Variants in TENM3 observed in about 807,000 individuals in gnomAD.
TENM3 encodes teneurin transmembrane protein 3, also known as teneurin-3.
In TENM3, 63 loss-of-function variants were observed where a neutral mutation model predicts 255.1. That is an observed-to-expected ratio of 0.25 (90% CI 0.20 to 0.30). TENM3 has a LOEUF of 0.30. Ranked by LOEUF, TENM3 falls within the 10% of genes least tolerant of loss-of-function variation. The pLI is 1.00. For synonymous variants in TENM3, 1,306 were observed against 1,322.3 expected (o/e 0.99, Z 0.27); for missense variants, 2,929 against 3,461.1 (o/e 0.85, Z 3.86).
intron 22 of TENM3, among the ~76,000 whole-genome samples, chr4:182,770,830 T>TA (rs1407126819): frequency 2.0e-5 from 3 of 152,218 alleles, no homozygotes; most frequent in African/African-American, 7.2e-5. Context: ...GGTGCCGGGT[T>TA]AGATAGGAGC....
intron 3 of TENM3, among the ~76,000 whole-genome samples, chr4:182,506,413 A>G (rs28613911): frequency 0.55 from 84,356 of 152,012 alleles, 23,971 homozygotes; most frequent in East Asian, 0.68. Context: ...TTAAATAACG[A>G]TTAAATAATA....
intron 1 of TENM3, among the ~76,000 whole-genome samples, chr4:182,193,920 A>G (rs974477306): frequency 6.6e-6 from 1 of 152,216 alleles, no homozygotes; most frequent in African/African-American, 2.4e-5. Context: ...AATGGTTTTC[A>G]GAGTTCAGTA....
intron 3 of TENM3, among the ~76,000 whole-genome samples, chr4:182,471,653 A>G (rs1733135885): frequency 6.9e-6 from 1 of 145,336 alleles, no homozygotes; most frequent in Non-Finnish European, 1.5e-5. Context: ...GTGTGTGTGT[A>G]AGTATATGTT....
chr4:182,062,375 T>A, the TENM3 span, among the ~76,000 whole-genome samples: 1 of 152,210 alleles, frequency 6.6e-6, no homozygotes, highest in African/African-American at 2.4e-5. Flanking sequence ...TAGTGAAATG[T>A]CCATATCTTC....
At chr4:182,622,690 A>G (rs986969086) in intron 4 of TENM3, among the ~76,000 whole-genome samples, 13 of 152,318 alleles carry the variant, frequency 8.5e-5, no homozygotes, top group Middle Eastern at 3.4e-3. Context: ...ATATGATTTC[A>G]TTCCTTTATT....
the TENM3 span, among the ~76,000 whole-genome samples, chr4:181,754,284 T>TCACACACACACACA: frequency 2.1e-5 from 3 of 144,516 alleles, no homozygotes; most frequent in Non-Finnish European, 4.5e-5. Context: ...TATATCCCAG[T>TCACACACACACACA]CACACACACA....
chr4:181,844,491 A>AC, the TENM3 span, among the ~76,000 whole-genome samples: 1 of 151,680 alleles, frequency 6.6e-6, no homozygotes, highest in Non-Finnish European at 1.5e-5. Context: ...ACACGGTGAA[A>AC]CCCCGTCTCT....
At chr4:182,343,487 A>G (rs896173529) in intron 2 of TENM3, among the ~76,000 whole-genome samples, 3 of 152,216 alleles carry the variant, frequency 2.0e-5, no homozygotes, top group Non-Finnish European at 4.4e-5. Context: ...AGAATAAAGT[A>G]TTGTTCCTTG....
At chr4:182,679,997 G>T in intron 8 of TENM3, 121 bp downstream of exon 8, 2 of 876,726 alleles carry the variant, frequency 2.3e-6, no homozygotes, top group Admixed American at 2.6e-5. Flanking sequence ...CAGGTAAAAT[G>T]TGAGAATTAT....
At chr4:182,465,624 C>T (rs1055539420) in intron 3 of TENM3, among the ~76,000 whole-genome samples, 4 of 152,018 alleles carry the variant, frequency 2.6e-5, no homozygotes, top group African/African-American at 7.2e-5. Context: ...AATTAGAATA[C>T]TCCCCCCAGC....
At chr4:182,091,262 A>T in the TENM3 span, among the ~76,000 whole-genome samples, 3 of 152,240 alleles carry the variant, frequency 2.0e-5, no homozygotes, top group Admixed American at 6.5e-5. Flanking sequence ...AGCTTGCAGA[A>T]CAAGTTCCAA....
intron 3 of TENM3, among the ~76,000 whole-genome samples, chr4:182,473,477 T>C (rs148604320): frequency 0.021 from 3,212 of 152,180 alleles, 126 homozygotes; most frequent in African/African-American, 0.073. Flanking sequence ...ATCGAGACCA[T>C]GCTGGCTAAC....
chr4:181,726,754 C>A, the TENM3 span, among the ~76,000 whole-genome samples: 1 of 152,156 alleles, frequency 6.6e-6, no homozygotes, highest in Admixed American at 6.5e-5. Flanking sequence ...TCAGATCCCA[C>A]AGGTTGAGGG....
At chr4:181,987,363 T>G in the TENM3 span, among the ~76,000 whole-genome samples, 2 of 152,114 alleles carry the variant, frequency 1.3e-5, no homozygotes, top group Non-Finnish European at 2.9e-5. Context: ...CTGAGAGAGA[T>G]AAAAGGCTGT....
At chr4:181,622,381 A>T in the TENM3 span, among the ~76,000 whole-genome samples, 1 of 152,152 alleles carries the variant, frequency 6.6e-6, no homozygotes, top group East Asian at 1.9e-4. Flanking sequence ...TCTTATAATA[A>T]ATACTATAAC....
the TENM3 span, among the ~76,000 whole-genome samples, chr4:181,972,565 C>T: frequency 5.3e-5 from 8 of 151,886 alleles, no homozygotes; most frequent in Non-Finnish European, 1.0e-4. Context: ...GGCTAGATGA[C>T]ACTTTAGGGA....
At chr4:181,485,533 CAG>C in the TENM3 span, among the ~76,000 whole-genome samples, 2 of 151,862 alleles carry the variant, frequency 1.3e-5, no homozygotes, top group Non-Finnish European at 2.9e-5. Flanking sequence ...TTGTGAAAAA[CAG>C]AATTCTTTGA....
At chr4:182,422,171 G>A (rs762618427) in intron 3 of TENM3, among the ~76,000 whole-genome samples, 2 of 152,076 alleles carry the variant, frequency 1.3e-5, no homozygotes, top group Admixed American at 1.3e-4. Flanking sequence ...TCCAATAAAG[G>A]TGCTTATTTA....
the TENM3 span, among the ~76,000 whole-genome samples, chr4:181,705,301 T>C: frequency 2.6e-5 from 4 of 152,206 alleles, no homozygotes; most frequent in African/African-American, 7.2e-5. Flanking sequence ...AATCAACACA[T>C]TCAAATATTA....
Sources: allele counts gnomAD v4.1 joint callset (sites outside exome capture counted in the v4.1 genomes callset), GRCh38; gene constraint gnomAD v4.1.1; transcripts MANE v1.5; gene names NCBI Gene and HGNC (gene_info 2026-07-23, HGNC 2026-07-21).